Variants in AKT2 observed in about 807,000 individuals in gnomAD.
AKT2 encodes the protein AKT serine/threonine kinase 2, also known as RAC-beta serine/threonine-protein kinase.
Under a neutral mutation model 58.6 loss-of-function variants are expected in AKT2, and 16 were observed. The observed-to-expected ratio is 0.27, with a 90% CI of 0.18 to 0.41. AKT2 has a LOEUF of 0.41. AKT2 is among the 10% of genes least tolerant of loss of function. The probability of loss-of-function intolerance (pLI) is 1.00; values close to 1 mark genes in which losing one functional copy is unlikely to be tolerated. For synonymous variants in AKT2, 253 were observed against 254.0 expected (o/e 1.00, Z 0.04); for missense variants, 438 against 661.0 (o/e 0.66, Z 3.70).
intron 1 of AKT2, among the ~76,000 whole-genome samples, chr19:40,272,188 AG>A (rs1236027639): frequency 6.6e-6 from 1 of 152,250 alleles, no homozygotes; most frequent in Non-Finnish European, 1.5e-5. Context: ...ACTTCATCTC[AG>A]GAAGTACAGG....
chr19:40,267,922 AC>A (rs1976478132), intron 1 of AKT2, among the ~76,000 whole-genome samples: 1 of 144,568 alleles, frequency 6.9e-6, no homozygotes, highest in African/African-American at 2.6e-5. Context: ...GCGAGCAGAC[AC>A]CCGAGTTAAC....
intron 1 of AKT2, among the ~76,000 whole-genome samples, chr19:40,272,586 A>G (rs746655759): frequency 6.6e-6 from 1 of 152,212 alleles, no homozygotes; most frequent in African/African-American, 2.4e-5. Flanking sequence ...ATTGTTTCAC[A>G]TGCTGATGTC....
chr19:40,285,016 C>G (rs941947987), intron 1 of AKT2, 165 bp downstream of exon 1: 1 of 368,978 alleles, frequency 2.7e-6, no homozygotes, highest in Non-Finnish European at 4.8e-6. Context: ...CGAGGCTGGT[C>G]CCACCGCCCC....
intron 1 of AKT2, chr19:40,274,654 A>C: frequency 2.1e-5 from 5 of 240,968 alleles, no homozygotes; most frequent in South Asian, 1.1e-4. Context: ...GAGGCAGCGC[A>C]GTCTGAGCAA....
intron 1 of AKT2, chr19:40,280,921 G>A (rs1018065044): frequency 6.6e-6 from 1 of 152,354 alleles, no homozygotes; most frequent in Non-Finnish European, 1.5e-5. Flanking sequence ...CCTGTTTCGG[G>A]TTGGTCTTGC....
At chr19:40,279,652 C>T (rs1342462715) in intron 1 of AKT2, 1 of 113,980 alleles carries the variant, frequency 8.8e-6, no homozygotes, top group Non-Finnish European at 1.8e-5. Context: ...GAACACACCT[C>T]AAAAAAAAAA....
At chr19:40,271,601 G>A (rs982283350) in intron 1 of AKT2, among the ~76,000 whole-genome samples, 1 of 152,138 alleles carries the variant, frequency 6.6e-6, no homozygotes, top group Non-Finnish European at 1.5e-5. Flanking sequence ...CCAGCGTCTT[G>A]TGAGAACATT....
chr19:40,279,342 C>T (rs2077381772), intron 1 of AKT2: 1 of 152,708 alleles, frequency 6.5e-6, no homozygotes, highest in Non-Finnish European at 1.5e-5. Context: ...CTCCCTCCCT[C>T]CTGGTCCTGC....
chr19:40,256,652 C>A (rs1032325738), intron 3 of AKT2, among the ~76,000 whole-genome samples: 2 of 152,194 alleles, frequency 1.3e-5, no homozygotes, highest in East Asian at 3.9e-4. Flanking sequence ...CAAGGCCTGG[C>A]TGACAGAAGC....
chr19:40,281,487 G>A (rs1267029284), intron 1 of AKT2, among the ~76,000 whole-genome samples: 2 of 151,772 alleles, frequency 1.3e-5, no homozygotes, highest in African/African-American at 2.4e-5. Flanking sequence ...GGGAGGCCCT[G>A]TCTCAAAAGA....
At chr19:40,273,758 T>C (rs2077260898) in intron 1 of AKT2, 1 of 152,180 alleles carries the variant, frequency 6.6e-6, no homozygotes, top group Non-Finnish European at 1.5e-5. Context: ...ATGTCAAATA[T>C]TCTAGTCTGC....
At chr19:40,272,104 T>C (rs1393282147) in intron 1 of AKT2, among the ~76,000 whole-genome samples, 1 of 152,192 alleles carries the variant, frequency 6.6e-6, no homozygotes, top group Non-Finnish European at 1.5e-5. Flanking sequence ...CAGCAACACT[T>C]TGAGGCAGAC....
intron 2 of AKT2, among the ~76,000 whole-genome samples, chr19:40,259,454 C>T (rs974716758): frequency 3.0e-4 from 46 of 152,072 alleles, no homozygotes; most frequent in African/African-American, 1.1e-3. Flanking sequence ...AATGAATTGA[C>T]CTGAATATAA....
intron 2 of AKT2, among the ~76,000 whole-genome samples, chr19:40,258,656 TAAA>T (rs775016321): frequency 2.8e-5 from 3 of 108,322 alleles, no homozygotes; most frequent in East Asian, 2.5e-4. Context: ...CCCTAGCTCT[TAAA>T]AAAAAAAAAA....
chr19:40,262,865 G>A (rs1433393627), intron 2 of AKT2, among the ~76,000 whole-genome samples: 1 of 152,200 alleles, frequency 6.6e-6, no homozygotes, highest in Non-Finnish European at 1.5e-5. Context: ...CCACCAAGGG[G>A]GTCGGTGGGG....
intron 1 of AKT2, chr19:40,275,453 T>G: frequency 2.6e-6 from 1 of 385,512 alleles, no homozygotes. Flanking sequence ...CATGGATTAA[T>G]GTTCATCTTC....
In AKT2 at chr19:40,242,247, C is replaced by T; in HGVS notation, c.442-178G>A. ...TCTGAAGCGGCCTTCAGACCAGGCT[C>T]TGCAGGCACAGGGCCTTGGGAGGGC... On this transcript the variant is annotated intron_variant, in intron 5 of 13. Coordinates refer to ENST00000392038, the MANE Select transcript of AKT2 (RefSeq NM_001626.6). This position sits in a 1 kb window ranked among gnomAD's most constrained non-coding sequence, Gnocchi z 4.3. 2.0e-6 allele frequency: 2 copies of T among 988,186 alleles called. No individual in the cohort carries two copies. Among genetic ancestry groups the T allele is most frequent in the South Asian group, 2.9e-5 (2 of 70,056 alleles). The allele number at this position is 988,186 out of a possible 1,614,324, so 61.2% of individuals were successfully genotyped here. A position where few individuals can be genotyped will look rare whatever the true frequency, so the allele number is the denominator to read the frequency against.
In AKT2 at chr19:40,255,150, A is replaced by G. The variant is rs1392657906; in HGVS notation, c.287+8T>C. The G allele has an allele frequency of 6.2e-7, 1 of 1,606,676 alleles. No homozygotes were observed. The highest frequency in any genetic ancestry group is 8.5e-7 in the Non-Finnish European group (1 of 1,173,294). ...CTCAAGGGCAGCCACACAGAGGCCC[A>G]GACTGACCTCTCGTCTGGAGAATCC... On this transcript the variant is annotated splice_region_variant and intron_variant, in intron 4 of 13. Coordinates refer to ENST00000392038, the MANE Select transcript of AKT2 (RefSeq NM_001626.6).
At chr19:40,284,829 T>G (rs980007148) in intron 1 of AKT2, 14 of 191,106 alleles carry the variant, frequency 7.3e-5, no homozygotes, top group Middle Eastern at 1.8e-3. Flanking sequence ...CTACACTTGA[T>G]GCGGCGCGCC....
Sources: gnomAD v4.1 joint callset for allele counts (sites outside exome capture counted in the v4.1 genomes callset) on GRCh38, gnomAD v4.1.1 for gene constraint, Gnocchi (gnomAD v3.1) non-coding constraint, MANE v1.5 for transcripts, NCBI Gene and HGNC (gene_info 2026-07-23, HGNC 2026-07-21) for gene names.